The following FER variants were observed in gnomAD, a reference collection of about 807,000 sequenced individuals.
FER encodes tyrosine-protein kinase Fer.
Under a neutral mutation model 111.0 loss-of-function variants are expected in FER, and 63 were observed. The ratio of observed to expected loss-of-function variants is 0.57; its 90% CI spans 0.46 to 0.70. FER has a LOEUF of 0.70. Among genes scored for constraint, FER ranks in the 30% least tolerant of loss-of-function variants. The probability of loss-of-function intolerance (pLI) is 0.00; values close to 1 mark genes in which losing one functional copy is unlikely to be tolerated. For missense variants in FER, 914 were observed against 954.0 expected, an observed-to-expected ratio of 0.96 and a Z score of 0.55; for synonymous variants, 327 against 313.9, an observed-to-expected ratio of 1.04 and a Z score of -0.44.
At chr5:108,953,072 T>G (rs1457676557) in intron 11 of FER, among the ~76,000 whole-genome samples, 1 of 151,994 alleles carries the variant, frequency 6.6e-6, no homozygotes, top group Non-Finnish European at 1.5e-5. Context: ...TCTAATTAGA[T>G]GCACTATCAT....
At chr5:108,898,790 A>C (rs1034287445) in intron 10 of FER, among the ~76,000 whole-genome samples, 5 of 151,512 alleles carry the variant, frequency 3.3e-5, no homozygotes, top group Non-Finnish European at 5.9e-5. Flanking sequence ...GACATTTGGT[A>C]GTATCACCAG....
intron 2 of FER, among the ~76,000 whole-genome samples, chr5:108,796,255 G>A (rs1307007571): frequency 6.6e-6 from 1 of 152,134 alleles, no homozygotes; most frequent in Admixed American, 6.5e-5. Flanking sequence ...TGAGTCACCT[G>A]GAGCAGGGGA....
chr5:109,099,027 G>A (rs977506577), intron 16 of FER, among the ~76,000 whole-genome samples: 2 of 151,550 alleles, frequency 1.3e-5, no homozygotes, highest in African/African-American at 4.8e-5. Context: ...GATCCCTGGT[G>A]AAGAAAGTAA....
intron 10 of FER, among the ~76,000 whole-genome samples, chr5:108,929,707 G>C (rs1312721157): frequency 2.0e-5 from 3 of 152,018 alleles, no homozygotes; most frequent in Non-Finnish European, 4.4e-5. Context: ...CAGAATAAGA[G>C]GGCCTGTTGA....
chr5:109,057,475 T>C (rs144062818), intron 16 of FER, among the ~76,000 whole-genome samples: 1,817 of 152,256 alleles, frequency 0.012, 18 homozygotes, highest in Non-Finnish European at 0.02. Flanking sequence ...ATGAATGTTA[T>C]GAATAACTTT....
intron 13 of FER, among the ~76,000 whole-genome samples, chr5:108,978,135 C>T (rs113720462): frequency 6.6e-6 from 1 of 152,144 alleles, no homozygotes; most frequent in Non-Finnish European, 1.5e-5. Context: ...CATGAGCCAT[C>T]GTGCCTAGCT....
chr5:109,137,076 A>G (rs1180456588), intron 17 of FER, among the ~76,000 whole-genome samples: 1 of 150,844 alleles, frequency 6.6e-6, no homozygotes, highest in Admixed American at 6.6e-5. Flanking sequence ...TACTTAAGAA[A>G]TATTTTTCGT....
intron 13 of FER, among the ~76,000 whole-genome samples, chr5:109,019,501 T>A (rs1311218767): frequency 1.3e-5 from 2 of 151,818 alleles, no homozygotes; most frequent in East Asian, 3.9e-4. Context: ...AAAGTATCAT[T>A]ATTAATATTG....
At chr5:108,847,166 T>C (rs533080362) in intron 5 of FER, among the ~76,000 whole-genome samples, 1 of 151,858 alleles carries the variant, frequency 6.6e-6, no homozygotes, top group East Asian at 1.9e-4. Context: ...CTTTTTTTTT[T>C]TGCAGTTTGC....
intron 5 of FER, among the ~76,000 whole-genome samples, chr5:108,863,207 C>T (rs1763703773): frequency 6.6e-6 from 1 of 152,088 alleles, no homozygotes; most frequent in Non-Finnish European, 1.5e-5. Context: ...GCAACCTCCG[C>T]CTCCTGGGTT....
At chr5:109,178,166 G>A (rs899208050) in intron 17 of FER, among the ~76,000 whole-genome samples, 9 of 152,196 alleles carry the variant, frequency 5.9e-5, no homozygotes, top group African/African-American at 2.2e-4. Flanking sequence ...AACTGAGTAT[G>A]CAGTGCCTGC....
At chr5:108,933,046 C>G (rs908724473) in intron 10 of FER, among the ~76,000 whole-genome samples, 1 of 152,038 alleles carries the variant, frequency 6.6e-6, no homozygotes, top group Non-Finnish European at 1.5e-5. Flanking sequence ...TGTAGGTTGC[C>G]TGTTCACTCT....
chr5:109,064,731 C>A (rs1026773314), intron 16 of FER, among the ~76,000 whole-genome samples: 15 of 152,088 alleles, frequency 9.9e-5, no homozygotes, highest in African/African-American at 3.4e-4. Flanking sequence ...ATGTTCTGAA[C>A]CACTCTTGCT....
At chr5:109,138,465 A>T (rs2217649) in intron 17 of FER, among the ~76,000 whole-genome samples, 2 of 152,060 alleles carry the variant, frequency 1.3e-5, no homozygotes, top group African/African-American at 4.8e-5. Context: ...CATATATCCA[A>T]TCATCGTGTT....
rs772177927 is a variant in FER at position 109,193,235 on chromosome 5, C to T, written c.*5660C>T. On this transcript the variant is annotated 3_prime_UTR_variant, in exon 20 of 20. Transcript: ENST00000281092. ...CCCTTGCTCTGTTTATCTGTGAGGCCTCAGACACAACGGTGGTTCAGCCCT... is the reference window on the plus strand; with the variant it reads ...CCCTTGCTCTGTTTATCTGTGAGGCTTCAGACACAACGGTGGTTCAGCCCT... 1 of 152,082 alleles carries T rather than the reference C, an allele frequency of 6.6e-6. No homozygotes were observed. The highest frequency in any genetic ancestry group is 1.5e-5 in the Non-Finnish European group (1 of 68,016). 9.4% of individuals were successfully genotyped at this position (152,082 alleles called of 1,614,324 possible).
intron 8 of FER, among the ~76,000 whole-genome samples, chr5:108,872,942 C>G (rs1178849479): frequency 6.6e-6 from 1 of 152,004 alleles, no homozygotes; most frequent in Non-Finnish European, 1.5e-5. Context: ...CTCATTGCTC[C>G]TCAATGTTAG....
intron 11 of FER, among the ~76,000 whole-genome samples, chr5:108,950,172 G>C (rs1166167367): frequency 6.6e-6 from 1 of 152,126 alleles, no homozygotes; most frequent in Non-Finnish European, 1.5e-5. Context: ...GGAAGCTGTG[G>C]AGGTAACCTG....
At chr5:108,826,821 T>C (rs1168163369) in intron 3 of FER, among the ~76,000 whole-genome samples, 1 of 152,226 alleles carries the variant, frequency 6.6e-6, no homozygotes, top group Non-Finnish European at 1.5e-5. Flanking sequence ...GATTCAGTCT[T>C]GGTAGGTTGT....
intron 3 of FER, among the ~76,000 whole-genome samples, chr5:108,803,707 A>G (rs1181702564): frequency 3.3e-5 from 5 of 150,810 alleles, no homozygotes. Flanking sequence ...CTTTTTTTGT[A>G]CCACTACCAT....
Sources: allele counts gnomAD v4.1 joint callset (sites outside exome capture counted in the v4.1 genomes callset), GRCh38; gene constraint gnomAD v4.1.1; transcripts MANE v1.5; gene names NCBI Gene and HGNC (gene_info 2026-07-23, HGNC 2026-07-21).